HERC5: variants seen among roughly 807,000 people sequenced by gnomAD.
The protein encoded by HERC5 is E3 ISG15--protein ligase HERC5.
A neutral mutation model predicts 119.6 loss-of-function variants in HERC5; 99 were observed. The observed-to-expected ratio is 0.83, with a 90% CI of 0.70 to 0.98. HERC5 has a LOEUF of 0.98. HERC5 is among the 50% of genes least tolerant of loss of function. HERC5 has a pLI of 0.00. For missense variants in HERC5, 1,267 were observed against 1,241.3 expected (o/e 1.02, Z -0.31); for synonymous variants, 478 against 445.9 (o/e 1.07, Z -0.91).
At chr4:88,478,635 G>C (rs1741166073) in intron 12 of HERC5, among the ~76,000 whole-genome samples, 1 of 151,292 alleles carries the variant, frequency 6.6e-6, no homozygotes, top group Non-Finnish European at 1.5e-5. Context: ...TTTTTGAGAT[G>C]GGGTCTTACT....
At chr4:88,501,987 A>T (rs1479076256) in intron 20 of HERC5, among the ~76,000 whole-genome samples, 1 of 152,138 alleles carries the variant, frequency 6.6e-6, no homozygotes, top group East Asian at 1.9e-4. Flanking sequence ...TTTAGTAGAG[A>T]CAGGGTTTCA....
chr4:88,502,957 T>C (rs1433302201), intron 20 of HERC5, among the ~76,000 whole-genome samples: 4 of 152,162 alleles, frequency 2.6e-5, no homozygotes, highest in African/African-American at 9.6e-5. Context: ...CTGTGGCTTG[T>C]CTTTTCACTT....
At chr4:88,494,842 T>C (rs1741753981) in intron 18 of HERC5, among the ~76,000 whole-genome samples, 1 of 152,210 alleles carries the variant, frequency 6.6e-6, no homozygotes, top group Non-Finnish European at 1.5e-5. Context: ...TAAATAAAAA[T>C]GTCTTCAATC....
chr4:88,493,236 C>T, intron 17 of HERC5, 81 bp downstream of exon 17: 2 of 1,239,630 alleles, frequency 1.6e-6, no homozygotes, highest in Non-Finnish European at 2.3e-6. Context: ...TTTGTCTAGA[C>T]TATTTCATGT....
intron 3 of HERC5, among the ~76,000 whole-genome samples, chr4:88,461,448 G>A (rs1175482276): frequency 6.6e-6 from 1 of 152,176 alleles, no homozygotes; most frequent in Non-Finnish European, 1.5e-5. Context: ...ATTCCTGGTG[G>A]TTGACAGGTG....
At chr4:88,489,480 C>T in intron 16 of HERC5, 144 bp downstream of exon 16, 1 of 782,756 alleles carries the variant, frequency 1.3e-6, no homozygotes, top group Non-Finnish European at 2.0e-6. Flanking sequence ...TCCCTAGTTG[C>T]CTTTGAGTTT....
rs1002560246 is a variant in HERC5, at chr4:88,494,176, GA to G, written c.2291del (p.Lys764ArgfsTer43). The G allele has an allele frequency of 6.2e-7, 1 of 1,602,260 alleles. No individual in the cohort carries two copies. The highest frequency in any genetic ancestry group is 1.7e-5 in the Admixed American group (1 of 57,628). ...MWFPVKPKFE[K>X]KRYFFFGVLC... ...TTTTCGCTTTTCAGCCTAAATTTGA[GA>G]AGAAAAGATACTTCTTTTTTGGGGT... is the stretch of plus-strand genomic sequence containing the variant. On this transcript the variant is annotated frameshift_variant, in exon 18 of 23. Transcript: ENST00000264350. LOFTEE classifies it high-confidence loss of function.
chr4:88,477,182 T>C (rs561705277), intron 12 of HERC5, among the ~76,000 whole-genome samples: 1 of 125,978 alleles, frequency 7.9e-6, no homozygotes, highest in African/African-American at 3.1e-5. Flanking sequence ...GATAGATAGA[T>C]AGTGAAACCC....
intron 11 of HERC5, chr4:88,473,160 A>T (rs1740935994): frequency 1.3e-5 from 2 of 151,640 alleles, no homozygotes; most frequent in African/African-American, 2.4e-5. Flanking sequence ...TTCGTTTATT[A>T]ATTTAGTTTT....
Position 88,472,539 on chromosome 4 carries a change from C to G in HERC5, c.1392+37C>G, listed in dbSNP as rs147100883. The G allele has an allele frequency of 2.1e-4, 248 of 1,164,808 alleles. No homozygotes were observed. In the East Asian group the frequency reaches 5.1e-3, roughly 24 times the overall value. The allele number at this position is 1,164,808 out of a possible 1,614,324, so 72.2% of individuals were successfully genotyped here. A position where few individuals can be genotyped will look rare whatever the true frequency, so the allele number is the denominator to read the frequency against. ...TTGTTATGTGGAGAAAGAAAATACA[C>G]CAGAATATTTCTTAAAAGAACTCAA... On this transcript the variant is annotated intron_variant, in intron 11 of 22. Coordinates refer to ENST00000264350, the MANE Select transcript of HERC5 (RefSeq NM_016323.4).
At position 88,457,437 on chromosome 4, in the gene HERC5, C is replaced by T. The variant is rs952705199; in HGVS notation, c.168C>T (p.Leu56=). The change falls in exon 1 of 23, where the codon CTC becomes CTT. Residue 56 remains leucine, a synonymous_variant. Transcript: ENST00000264350. ...LLRRVEVTRQ[L]CCSPGRLAVL... ...GGAGGGTGGAGGTGACGCGCCAACT[C>T]TGCTGCTCGCCGGGGCGCCTCGCGG... The T allele has an allele frequency of 1.5e-6, 2 of 1,352,636 alleles. No individual in the cohort carries two copies. The highest frequency in any genetic ancestry group is 3.5e-5 in the Admixed American group (1 of 28,710). The allele number at this position is 1,352,636 out of a possible 1,614,324, so 83.8% of individuals were successfully genotyped here.
At position 88,492,975 on chromosome 4, in the gene HERC5, C is replaced by A. The variant is rs757525016; in HGVS notation, c.2134-37C>A. 5.6e-6 allele frequency: 9 copies of A among 1,605,174 alleles called. No individual in the cohort carries two copies. In the Admixed American group the frequency reaches 8.4e-5, roughly 15 times the overall value. On this transcript the variant is annotated intron_variant, in intron 16 of 22. Transcript: ENST00000264350. ...AGACTTCATATATAGCAATATAGAGCCCTGGAAGTGATGTATTATTTGCTC... is the reference window on the plus strand; with the variant it reads ...AGACTTCATATATAGCAATATAGAGACCTGGAAGTGATGTATTATTTGCTC...
At position 88,463,563 on chromosome 4, in the gene HERC5, A is replaced by C. The variant is rs143917469; in HGVS notation, c.720A>C (p.Leu240=). The C allele has an allele frequency of 2.4e-5, 39 of 1,613,706 alleles. No homozygotes were observed. The African/African-American group carries it at 4.9e-4, about 20-fold the overall frequency. ...ATGATCCATCCCTTATTGAAGGACT[A>C]GACAATCAGAAAGTTGAATTTGTCG... The part of the protein sequence containing the change: ...SKDDPSLIEG[L]DNQKVEFVAC... Residue 240 remains leucine (L), a synonymous_variant, in exon 5 of 23, where the codon CTA becomes CTC. Transcript: ENST00000264350.
chr4:88,476,142 C>A, intron 12 of HERC5, 112 bp downstream of exon 12: 1 of 785,722 alleles, frequency 1.3e-6, no homozygotes, highest in Non-Finnish European at 2.0e-6. Flanking sequence ...TTTTTTAGTT[C>A]GTATTGTTAG....
chr4:88,465,379 CATTT>C (rs1740625095), intron 6 of HERC5, among the ~76,000 whole-genome samples: 1 of 152,160 alleles, frequency 6.6e-6, no homozygotes, highest in African/African-American at 2.4e-5. Context: ...ATGCTGGGTT[CATTT>C]GTTAGTTTAC....
chr4:88,462,897 A>AT (rs1352651123), intron 4 of HERC5, among the ~76,000 whole-genome samples: 1 of 152,198 alleles, frequency 6.6e-6, no homozygotes, highest in Non-Finnish European at 1.5e-5. Flanking sequence ...ATTTCTCATG[A>AT]TCCCAAACAA....
At chr4:88,488,529 G>A (rs1741538581) in intron 15 of HERC5, among the ~76,000 whole-genome samples, 1 of 152,084 alleles carries the variant, frequency 6.6e-6, no homozygotes. Context: ...CACCGTGCCT[G>A]GCCCTGAACC....
chr4:88,467,913 C>G, intron 7 of HERC5: 1 of 980,674 alleles, frequency 1.0e-6, no homozygotes, highest in Non-Finnish European at 1.2e-6. Context: ...GGAAAACGAA[C>G]AGAGTTATTT....
chr4:88,493,158 A>G lies in HERC5; in HGVS notation c.2277+3A>G. 1 of 1,613,570 alleles carries G rather than the reference A, an allele frequency of 6.2e-7. No homozygotes were observed. Among genetic ancestry groups the G allele is most frequent in the Admixed American group, 1.7e-5 (1 of 59,932 alleles). On this transcript the variant is annotated splice_donor_region_variant and intron_variant, in intron 17 of 22. Coordinates refer to ENST00000264350, the MANE Select transcript of HERC5 (RefSeq NM_016323.4). ...CCTGCATGTGGTTTCCTGTCAAGGT[A>G]AGTTCCCTCTTCTTTGCTTAAGGTA...
Sources: gnomAD v4.1 joint callset for allele counts (sites outside exome capture counted in the v4.1 genomes callset) on GRCh38, gnomAD v4.1.1 for gene constraint, MANE v1.5 for transcripts, NCBI Gene and HGNC (gene_info 2026-07-23, HGNC 2026-07-21) for gene names.